ADAMTSL1: variants seen among roughly 807,000 people sequenced by gnomAD.
The protein encoded by ADAMTSL1 is ADAMTS like 1.
Under a neutral mutation model 201.8 loss-of-function variants are expected in ADAMTSL1, and 126 were observed. That is an observed-to-expected ratio of 0.62 (90% CI 0.54 to 0.72). ADAMTSL1 has a LOEUF of 0.72. Among genes scored for constraint, ADAMTSL1 ranks in the 30% least tolerant of loss-of-function variants. The probability of loss-of-function intolerance (pLI) is 0.00; values close to 1 mark genes in which losing one functional copy is unlikely to be tolerated. For synonymous variants in ADAMTSL1, 1,121 were observed against 903.4 expected (o/e 1.24, Z -4.32); for missense variants, 2,679 against 2,277.8 (o/e 1.18, Z -3.59).
At chr9:18,904,086 G>A (rs111243454) in intron 26 of ADAMTSL1, among the ~76,000 whole-genome samples, 2,967 of 151,970 alleles carry the variant, frequency 0.02, 86 homozygotes, top group African/African-American at 0.065. Context: ...CTCTTGCCTC[G>A]GCTTTCTGCA....
chr9:18,594,155 T>G lies in ADAMTSL1; in HGVS notation c.474+19889T>G, dbSNP rs1414110731. On this transcript the variant is annotated intron_variant, in intron 4 of 28. Coordinates refer to ENST00000380548, the MANE Select transcript of ADAMTSL1 (RefSeq NM_001040272.6). Reference sequence around the variant, plus strand: ...AGGGTACAATCTTTTTGTTGACATTTTTTTTTCCTTCAGCGTTCTGAGCGT... The same window carrying G: ...AGGGTACAATCTTTTTGTTGACATTGTTTTTTCCTTCAGCGTTCTGAGCGT... 3.9e-5 allele frequency among the ~76,000 whole-genome samples: 6 copies of G among 152,170 alleles called. No homozygotes were observed. The South Asian group carries it at 1.2e-3, about 31-fold the overall frequency.
intron 1 of ADAMTSL1, among the ~76,000 whole-genome samples, chr9:17,932,572 A>G (rs1826838512): frequency 6.6e-6 from 1 of 152,160 alleles, no homozygotes; most frequent in East Asian, 1.9e-4. Context: ...CTATAGAATC[A>G]TTAGTTTCTT....
At chr9:18,654,604 A>G (rs907690068) in intron 7 of ADAMTSL1, among the ~76,000 whole-genome samples, 1 of 152,224 alleles carries the variant, frequency 6.6e-6, no homozygotes, top group African/African-American at 2.4e-5. Context: ...AAAATTAGGT[A>G]TTTATAGATA....
intron 5 of ADAMTSL1, among the ~76,000 whole-genome samples, chr9:18,629,016 C>T (rs915450593): frequency 1.4e-4 from 21 of 152,064 alleles, no homozygotes; most frequent in South Asian, 2.1e-4. Flanking sequence ...GGAGTTACTG[C>T]GCTTGGCTTG....
At chr9:18,027,466 G>T (rs1369985548) in intron 1 of ADAMTSL1, among the ~76,000 whole-genome samples, 1 of 149,300 alleles carries the variant, frequency 6.7e-6, no homozygotes, top group African/African-American at 2.5e-5. Flanking sequence ...TAACTTCATT[G>T]TTTACCCAAA....
At chr9:18,138,136 G>T (rs1826237022) in intron 1 of ADAMTSL1, among the ~76,000 whole-genome samples, 1 of 152,094 alleles carries the variant, frequency 6.6e-6, no homozygotes, top group Admixed American at 6.5e-5. Context: ...TTCCTCCTCT[G>T]TAAGGGAGGG....
chr9:18,225,286 A>G (rs921603526), intron 2 of ADAMTSL1, among the ~76,000 whole-genome samples: 91 of 152,280 alleles, frequency 6.0e-4, no homozygotes, highest in African/African-American at 2.1e-3. Flanking sequence ...AGCAAAGGAC[A>G]TCTTATAGCT....
chr9:18,729,239 C>T (rs2133470939), intron 15 of ADAMTSL1, among the ~76,000 whole-genome samples: 1 of 152,258 alleles, frequency 6.6e-6, no homozygotes, highest in African/African-American at 2.4e-5. Context: ...GCCTTTCCAG[C>T]TCTAATATTC....
intron 2 of ADAMTSL1, among the ~76,000 whole-genome samples, chr9:18,204,601 G>T (rs1304722816): frequency 6.6e-6 from 1 of 152,116 alleles, no homozygotes; most frequent in Admixed American, 6.6e-5. Flanking sequence ...ATTGACACAG[G>T]TTGGTAAGAC....
intron 5 of ADAMTSL1, among the ~76,000 whole-genome samples, chr9:18,629,239 T>C (rs1564101523): frequency 6.6e-6 from 1 of 152,162 alleles, no homozygotes; most frequent in African/African-American, 2.4e-5. Context: ...AAGCCACTTT[T>C]TTTTTTGTAG....
At chr9:18,820,997 A>G (rs1290983496) in intron 21 of ADAMTSL1, among the ~76,000 whole-genome samples, 1 of 152,224 alleles carries the variant, frequency 6.6e-6, no homozygotes, top group Non-Finnish European at 1.5e-5. Context: ...AGAAGAAAGT[A>G]GCATATGAGG....
chr9:18,465,269 C>G (rs879865883), intron 2 of ADAMTSL1, among the ~76,000 whole-genome samples: 3 of 152,152 alleles, frequency 2.0e-5, no homozygotes, highest in Non-Finnish European at 2.9e-5. Context: ...TAGCTTGGCC[C>G]GTTCCGTTAA....
chr9:18,679,017 C>T (rs1389672467), intron 10 of ADAMTSL1, among the ~76,000 whole-genome samples: 2 of 152,136 alleles, frequency 1.3e-5, no homozygotes, highest in African/African-American at 4.8e-5. Context: ...TTGTATTTGG[C>T]AGCATGTCTT....
At chr9:18,560,479 G>A (rs1000862690) in intron 3 of ADAMTSL1, among the ~76,000 whole-genome samples, 3 of 151,964 alleles carry the variant, frequency 2.0e-5, no homozygotes, top group African/African-American at 7.3e-5. Flanking sequence ...CTTTTTTGTT[G>A]TTGTTTATCT....
intron 2 of ADAMTSL1, among the ~76,000 whole-genome samples, chr9:18,468,914 C>T (rs1013401842): frequency 2.0e-5 from 3 of 152,148 alleles, no homozygotes; most frequent in Non-Finnish European, 4.4e-5. Flanking sequence ...GAGTTTGTCA[C>T]GTAAGCAACA....
intron 23 of ADAMTSL1, among the ~76,000 whole-genome samples, chr9:18,885,942 G>C (rs1385478761): frequency 6.6e-6 from 1 of 151,326 alleles, no homozygotes; most frequent in African/African-American, 2.4e-5. Flanking sequence ...TGATTTCTAG[G>C]GATTCCCAAT....
In ADAMTSL1 at chr9:18,482,216, A is replaced by C. The variant is rs185008370; in HGVS notation, c.63+7921A>C. Among the ~76,000 whole-genome samples the C allele has an allele frequency of 4.9e-4, 75 of 152,324 alleles. No homozygotes were observed. The East Asian group carries it at 0.014, about 29-fold the overall frequency. On this transcript the variant is annotated intron_variant, in intron 1 of 28. Transcript: ENST00000380548. ...CATGAACATATGCCGTTTATAATAC[A>C]GGAGATTTATTCCACTTCTGAGGCA...
rs188536176 is a variant in ADAMTSL1, at chr9:18,152,154, A to T, written c.88-11708A>T. On this transcript the variant is annotated intron_variant, in intron 1 of 29. Coordinates refer to the ADAMTSL1 transcript ENST00000680146. ...AGTTTCAGTAATTTACTCAAAGCACACAGCAGAGAGGTGGTAAACCAGGAC... is the reference window on the plus strand; with the variant it reads ...AGTTTCAGTAATTTACTCAAAGCACTCAGCAGAGAGGTGGTAAACCAGGAC... Among the ~76,000 whole-genome samples, 4 of 152,206 alleles carry T rather than the reference A, an allele frequency of 2.6e-5. No homozygotes were observed. In the East Asian group the frequency reaches 7.7e-4, roughly 29 times the overall value.
intron 2 of ADAMTSL1, among the ~76,000 whole-genome samples, chr9:18,466,342 A>G (rs1821003984): frequency 6.6e-6 from 1 of 152,122 alleles, no homozygotes; most frequent in African/African-American, 2.4e-5. Flanking sequence ...TCAATTCTCC[A>G]TGCTGTTATC....
Sources: allele counts gnomAD v4.1 joint callset (sites outside exome capture counted in the v4.1 genomes callset), GRCh38; gene constraint gnomAD v4.1.1; transcripts MANE v1.5; gene names NCBI Gene and HGNC (gene_info 2026-07-23, HGNC 2026-07-21).